FUT9: variants seen among roughly 807,000 people sequenced by gnomAD.
FUT9 encodes the protein fucosyltransferase 9.
Under a neutral mutation model 29.7 loss-of-function variants are expected in FUT9, and 15 were observed. The observed-to-expected ratio is 0.51, with a 90% CI of 0.34 to 0.78. The LOEUF is 0.78. Ranked by LOEUF, FUT9 falls within the 30% of genes least tolerant of loss-of-function variation. The pLI, the probability that FUT9 is intolerant of heterozygous loss-of-function variation, is 0.01. For missense variants in FUT9, 319 were observed against 425.4 expected (o/e 0.75, Z 2.20); for synonymous variants, 169 against 153.7 (o/e 1.10, Z -0.74).
At chr6:96,061,084 C>T (rs556528497) in intron 1 of FUT9, among the ~76,000 whole-genome samples, 2 of 151,390 alleles carry the variant, frequency 1.3e-5, no homozygotes, top group South Asian at 4.2e-4. Flanking sequence ...ACTAGTAATT[C>T]CATGGGATAT....
intron 2 of FUT9, among the ~76,000 whole-genome samples, chr6:96,123,094 A>T: frequency 8.1e-6 from 1 of 123,562 alleles, no homozygotes; most frequent in Non-Finnish European, 1.7e-5. Flanking sequence ...AAAAAAAAAA[A>T]AAAAGCTTAT....
rs11295841 is a variant in FUT9, at chr6:96,208,212, AT to A, written c.*3985del. On this transcript the variant is annotated 3_prime_UTR_variant, in exon 3 of 3. Transcript: ENST00000302103. ...AAGAATAGGAAACTATGCCTCTGAT[AT>A]TTTTTTTGTCAGCCTATTTTTAAAC... 153,162 of 166,498 alleles carry A rather than the reference AT, an allele frequency of 0.92. 71,864 individuals carry two copies. Among genetic ancestry groups the A allele is most frequent in the Non-Finnish European group, 1 (67,786 of 67,918 alleles). 10.3% of individuals were successfully genotyped at this position (166,498 alleles called of 1,614,324 possible).
Position 96,182,684 on chromosome 6 carries a change from G to A in FUT9, c.-8-20464G>A, listed in dbSNP as rs544214749. Among the ~76,000 whole-genome samples the A allele has an allele frequency of 3.9e-5, 6 of 152,126 alleles. No homozygotes were observed. The South Asian group carries it at 6.2e-4, about 16-fold the overall frequency. ...CTAGCCAATTATCCCAGCACCATTT[G>A]TGGAATAGGGTGTCCTTTCCTCACT... On this transcript the variant is annotated intron_variant, in intron 2 of 2. Transcript: ENST00000302103.
intron 2 of FUT9, among the ~76,000 whole-genome samples, chr6:96,125,119 G>C (rs1772110546): frequency 6.6e-6 from 1 of 152,160 alleles, no homozygotes; most frequent in Non-Finnish European, 1.5e-5. Context: ...AGGAATTCTA[G>C]TACATGGGAT....
intron 2 of FUT9, among the ~76,000 whole-genome samples, chr6:96,161,632 C>G (rs1281839457): frequency 1.3e-5 from 2 of 152,114 alleles, no homozygotes; most frequent in Non-Finnish European, 2.9e-5. Context: ...TATCTACAGA[C>G]CACACAAATA....
intron 2 of FUT9, among the ~76,000 whole-genome samples, chr6:96,175,280 T>C (rs1773184095): frequency 6.6e-6 from 1 of 152,158 alleles, no homozygotes; most frequent in African/African-American, 2.4e-5. Context: ...CGTCACCTGC[T>C]TCTCCTTCCC....
intron 2 of FUT9, among the ~76,000 whole-genome samples, chr6:96,192,476 C>T (rs1054125466): frequency 1.3e-4 from 19 of 151,994 alleles, no homozygotes; most frequent in Non-Finnish European, 2.5e-4. Flanking sequence ...AATAAAATAC[C>T]TAGGAATCCA....
At chr6:96,180,414 C>G (rs1038783086) in intron 2 of FUT9, among the ~76,000 whole-genome samples, 1 of 152,048 alleles carries the variant, frequency 6.6e-6, no homozygotes, top group African/African-American at 2.4e-5. Context: ...TGTTGTCAGA[C>G]AGAATAATGT....
intron 2 of FUT9, among the ~76,000 whole-genome samples, chr6:96,181,790 C>T (rs541858340): frequency 5.3e-5 from 8 of 151,792 alleles, no homozygotes; most frequent in Non-Finnish European, 7.4e-5. Context: ...AGTATTCCAC[C>T]GTATATATAA....
At chr6:96,073,791 G>C (rs1240326671) in intron 1 of FUT9, among the ~76,000 whole-genome samples, 1 of 152,116 alleles carries the variant, frequency 6.6e-6, no homozygotes, top group Non-Finnish European at 1.5e-5. Flanking sequence ...TCTATATCCA[G>C]TGCTGCCTCT....
At chr6:96,180,604 C>A (rs1237929867) in intron 2 of FUT9, among the ~76,000 whole-genome samples, 1 of 151,906 alleles carries the variant, frequency 6.6e-6, no homozygotes, top group Non-Finnish European at 1.5e-5. Context: ...ATTCACCAAC[C>A]TTTGGCTATC....
chr6:96,116,360 T>C (rs554827144), intron 2 of FUT9, among the ~76,000 whole-genome samples: 91 of 152,212 alleles, frequency 6.0e-4, no homozygotes, highest in Non-Finnish European at 9.7e-4. Flanking sequence ...TACAGTCACT[T>C]TGGAATGTAC....
chr6:96,182,436 G>A (rs1041915680), intron 2 of FUT9, among the ~76,000 whole-genome samples: 2 of 151,696 alleles, frequency 1.3e-5, no homozygotes, highest in African/African-American at 4.8e-5. Context: ...TTAAGTCCCA[G>A]CTATTTATCT....
At chr6:96,145,558 T>C (rs1478906097) in intron 2 of FUT9, among the ~76,000 whole-genome samples, 2 of 152,138 alleles carry the variant, frequency 1.3e-5, no homozygotes, top group African/African-American at 4.8e-5. Context: ...TAATGAATGC[T>C]AAAGAAGATA....
At position 96,207,014 on chromosome 6, in the gene FUT9, C is replaced by A. The variant is rs1227038635; in HGVS notation, c.*2779C>A. 6.0e-6 allele frequency: 1 copy of A among 166,918 alleles called. No individual in the cohort carries two copies. The highest frequency in any genetic ancestry group is 1.5e-5 in the Non-Finnish European group (1 of 68,104). 10.3% of individuals were successfully genotyped at this position (166,918 alleles called of 1,614,324 possible). A position where few individuals can be genotyped will look rare whatever the true frequency, so the allele number is the denominator to read the frequency against. On this transcript the variant is annotated 3_prime_UTR_variant, in exon 3 of 3. Coordinates refer to ENST00000302103, the MANE Select transcript of FUT9 (RefSeq NM_006581.4). ...GCTTTGAAACCCCATTACTAAGTCCCAGAAGACTGTTTCCTAAATTTGAAG... is the reference window on the plus strand; with the variant it reads ...GCTTTGAAACCCCATTACTAAGTCCAAGAAGACTGTTTCCTAAATTTGAAG...
rs1773876541 is a variant in FUT9, at chr6:96,208,542, G to A, written c.*4307G>A. On this transcript the variant is annotated 3_prime_UTR_variant, in exon 3 of 3. Coordinates refer to ENST00000302103, the MANE Select transcript of FUT9 (RefSeq NM_006581.4). ...AGTGGTCCTGTAAAATATTTTTTAA[G>A]AGTAGTGACAATGTTTATTGGTACC... The A allele has an allele frequency of 6.0e-6, 1 of 166,798 alleles. No individual in the cohort carries two copies. Among genetic ancestry groups the A allele is most frequent in the Admixed American group, 6.6e-5 (1 of 15,242 alleles). 10.3% of individuals were successfully genotyped at this position (166,798 alleles called of 1,614,324 possible). A position where few individuals can be genotyped will look rare whatever the true frequency, so the allele number is the denominator to read the frequency against.
Position 96,203,441 on chromosome 6 carries a change from G to T in FUT9, c.286G>T (p.Asp96Tyr). Residue 96 changes from aspartate (D) to tyrosine (Y), a missense_variant, in exon 3 of 3, where the codon GAC becomes TAC. Transcript: ENST00000302103. ...FNIQGCHLTTDRSLYNKSHAV... is the reference protein window; with the variant it reads ...FNIQGCHLTTYRSLYNKSHAV... Reference sequence around the variant, plus strand: ...CATCCAAGGATGCCATCTCACAACGGACCGTTCACTGTACAACAAATCCCA... The same window carrying T: ...CATCCAAGGATGCCATCTCACAACGTACCGTTCACTGTACAACAAATCCCA... 1.2e-6 allele frequency: 2 copies of T among 1,607,192 alleles called. No homozygotes were observed. The highest frequency in any genetic ancestry group is 1.7e-6 in the Non-Finnish European group (2 of 1,175,988).
chr6:96,112,707 TAAC>T (rs1395016593), intron 1 of FUT9, among the ~76,000 whole-genome samples: 1 of 152,204 alleles, frequency 6.6e-6, no homozygotes, highest in East Asian at 1.9e-4. Context: ...ACAAGATGCT[TAAC>T]AAGTATTTTC....
intron 2 of FUT9, among the ~76,000 whole-genome samples, chr6:96,187,886 A>C (rs1773432895): frequency 6.6e-6 from 1 of 152,150 alleles, no homozygotes; most frequent in Admixed American, 6.6e-5. Context: ...GCAGCACATA[A>C]GGAATTTATC....
Sources: gnomAD v4.1 joint callset for allele counts (sites outside exome capture counted in the v4.1 genomes callset) on GRCh38, gnomAD v4.1.1 for gene constraint, MANE v1.5 for transcripts, NCBI Gene and HGNC (gene_info 2026-07-23, HGNC 2026-07-21) for gene names.